Variants in TBL1XR1 observed in about 807,000 individuals in gnomAD.
TBL1XR1 encodes the protein F-box-like/WD repeat-containing protein TBL1XR1.
In TBL1XR1, 5 loss-of-function variants were observed where a neutral mutation model predicts 66.9. That is an observed-to-expected ratio of 0.07 (90% CI 0.04 to 0.16). TBL1XR1 has a LOEUF of 0.16. Ranked by LOEUF, TBL1XR1 falls within the 10% of genes least tolerant of loss-of-function variation. TBL1XR1 has a pLI of 1.00. For synonymous variants in TBL1XR1, 210 were observed against 206.0 expected (o/e 1.02, Z -0.17); for missense variants, 238 against 623.2 (o/e 0.38, Z 6.58).
chr3:177,112,820 T>C (rs572014598), intron 1 of TBL1XR1, among the ~76,000 whole-genome samples: 41 of 151,964 alleles, frequency 2.7e-4, no homozygotes, highest in Non-Finnish European at 5.0e-4. Context: ...CTGGCCAACA[T>C]GGTGAAACCC....
intron 10 of TBL1XR1, among the ~76,000 whole-genome samples, chr3:177,042,598 T>C (rs1451431719): frequency 6.6e-6 from 1 of 152,154 alleles, no homozygotes; most frequent in Admixed American, 6.5e-5. Context: ...TTATTTTATA[T>C]TTACTCTTAA....
chr3:177,054,078 G>A (rs573533235), intron 3 of TBL1XR1, among the ~76,000 whole-genome samples, 160 bp from the exon 4 acceptor site: 10 of 151,876 alleles, frequency 6.6e-5, no homozygotes, highest in African/African-American at 1.9e-4. Flanking sequence ...GTGTGTGCGC[G>A]CGCGTGTGTG....
chr3:177,145,241 CCACT>C (rs1466017818), intron 1 of TBL1XR1, among the ~76,000 whole-genome samples: 1 of 152,182 alleles, frequency 6.6e-6, no homozygotes, highest in Non-Finnish European at 1.5e-5. Context: ...CAAATCTGAC[CCACT>C]GTGTTTTAGT....
chr3:177,060,750 C>T (rs1577053608), intron 3 of TBL1XR1, among the ~76,000 whole-genome samples: 1 of 152,334 alleles, frequency 6.6e-6, no homozygotes, highest in East Asian at 1.9e-4. Context: ...AAAATTAACA[C>T]TGTATCAGGT....
chr3:177,035,237 C>T (rs1019973752), intron 12 of TBL1XR1, among the ~76,000 whole-genome samples: 3 of 152,120 alleles, frequency 2.0e-5, no homozygotes, highest in African/African-American at 7.2e-5. Flanking sequence ...TCTTACCTCC[C>T]TTGAAATAAG....
intron 1 of TBL1XR1, among the ~76,000 whole-genome samples, chr3:177,154,645 T>G (rs1407084378): frequency 6.6e-6 from 1 of 152,170 alleles, no homozygotes; most frequent in African/African-American, 2.4e-5. Flanking sequence ...TCTGCCCGCC[T>G]CAGCCTCCCG....
At chr3:177,186,990 C>T (rs1048127862) in intron 1 of TBL1XR1, among the ~76,000 whole-genome samples, 2 of 151,968 alleles carry the variant, frequency 1.3e-5, no homozygotes, top group African/African-American at 2.4e-5. Context: ...CAGGATGAAA[C>T]CCCGTCTCTC....
chr3:177,173,850 T>C (rs1383454185), intron 1 of TBL1XR1, among the ~76,000 whole-genome samples: 14 of 152,200 alleles, frequency 9.2e-5, no homozygotes, highest in Admixed American at 9.2e-4. Context: ...TTTCTGTAAA[T>C]CTAAAATTAT....
chr3:177,088,720 A>G (rs201519143), intron 2 of TBL1XR1, among the ~76,000 whole-genome samples: 13 of 151,578 alleles, frequency 8.6e-5, no homozygotes, highest in South Asian at 4.1e-4. Context: ...TAAAAAAAAA[A>G]AAAAGAAAAG....
At chr3:177,033,644 C>T (rs1714323579) in intron 13 of TBL1XR1, among the ~76,000 whole-genome samples, 1 of 151,908 alleles carries the variant, frequency 6.6e-6, no homozygotes, top group Non-Finnish European at 1.5e-5. Context: ...AATAATAAAA[C>T]TCAGTGTTTA....
intron 1 of TBL1XR1, among the ~76,000 whole-genome samples, chr3:177,182,180 A>C (rs527411742): frequency 2.3e-4 from 35 of 152,178 alleles, no homozygotes; most frequent in Admixed American, 9.8e-4. Flanking sequence ...TGAGCCCAGG[A>C]GTTCAAGACC....
chr3:177,197,566 G>A (rs1685518290), upstream of TBL1XR1, among the ~76,000 whole-genome samples: 1 of 144,934 alleles, frequency 6.9e-6, no homozygotes, highest in South Asian at 2.1e-4. Context: ...CGAGGCCCGC[G>A]GCGGCGGCGG....
At chr3:177,042,768 A>G (rs1336649509) in intron 10 of TBL1XR1, among the ~76,000 whole-genome samples, 2 of 152,178 alleles carry the variant, frequency 1.3e-5, no homozygotes, top group Non-Finnish European at 2.9e-5. Flanking sequence ...TAATTTCTTA[A>G]AATCTTGGAG....
At chr3:177,097,283 TG>T (rs1347822032) in intron 2 of TBL1XR1, among the ~76,000 whole-genome samples, 1 of 152,222 alleles carries the variant, frequency 6.6e-6, no homozygotes, top group Non-Finnish European at 1.5e-5. Context: ...AAATGTAAGA[TG>T]TTATTATTTG....
chr3:177,183,107 T>C (rs912756387), intron 1 of TBL1XR1, among the ~76,000 whole-genome samples: 2 of 152,156 alleles, frequency 1.3e-5, no homozygotes, highest in Admixed American at 1.3e-4. Context: ...CCTAAAGACA[T>C]TAGCACCAAT....
intron 1 of TBL1XR1, among the ~76,000 whole-genome samples, chr3:177,140,557 A>AT (rs1729516297): frequency 6.6e-6 from 1 of 152,226 alleles, no homozygotes; most frequent in Admixed American, 6.5e-5. Flanking sequence ...TTATATGAAA[A>AT]AACTGAAAAG....
chr3:177,033,171 TA>T, intron 13 of TBL1XR1, 35 bp from the exon 14 acceptor site: 1 of 1,485,064 alleles, frequency 6.7e-7, no homozygotes, highest in Non-Finnish European at 9.0e-7. Context: ...AATTTATAAG[TA>T]AGGAAATACT....
chr3:177,085,312 T>C lies in TBL1XR1; in HGVS notation c.-46+13154A>G, dbSNP rs555922106. ...GCTCAATCAGGAAGCAGACTCATAGTAGCTTAGCAAAGACTTTGAAAACTG... is the reference window on the plus strand; with the variant it reads ...GCTCAATCAGGAAGCAGACTCATAGCAGCTTAGCAAAGACTTTGAAAACTG... On this transcript the variant is annotated intron_variant, in intron 2 of 15. Transcript: ENST00000457928. Among the ~76,000 whole-genome samples the C allele has an allele frequency of 3.3e-5, 5 of 152,350 alleles. No individual in the cohort carries two copies. The East Asian group carries it at 7.7e-4, about 23-fold the overall frequency.
upstream of TBL1XR1, among the ~76,000 whole-genome samples, chr3:177,199,711 A>G (rs1174937018): frequency 6.6e-6 from 1 of 152,012 alleles, no homozygotes; most frequent in African/African-American, 2.4e-5. Context: ...GGTTCATAGG[A>G]TCAGGTCTTC....
Sources: allele counts gnomAD v4.1 joint callset (sites outside exome capture counted in the v4.1 genomes callset), GRCh38; gene constraint gnomAD v4.1.1; transcripts MANE v1.5; gene names NCBI Gene and HGNC (gene_info 2026-07-23, HGNC 2026-07-21).